Variants in PRR16 observed in about 807,000 individuals in gnomAD.
PRR16 encodes protein Largen.
Under a neutral mutation model 18.2 loss-of-function variants are expected in PRR16, and 6 were observed. The ratio of observed to expected loss-of-function variants is 0.33; its 90% CI spans 0.18 to 0.65. PRR16 has a LOEUF of 0.65. Among genes scored for constraint, PRR16 ranks in the 30% least tolerant of loss-of-function variants. The pLI, the probability that PRR16 is intolerant of heterozygous loss-of-function variation, is 0.74. For synonymous variants in PRR16, 151 were observed against 147.8 expected (o/e 1.02, Z -0.16); for missense variants, 412 against 376.6 (o/e 1.09, Z -0.78).
At chr5:120,500,462 C>T (rs770269968) in intron 1 of PRR16, among the ~76,000 whole-genome samples, 14 of 152,132 alleles carry the variant, frequency 9.2e-5, no homozygotes, top group East Asian at 1.9e-4. Flanking sequence ...ACATTTAGTG[C>T]GTCTGTCTGG....
At chr5:120,753,032 T>C in the PRR16 span, among the ~76,000 whole-genome samples, 1 of 151,918 alleles carries the variant, frequency 6.6e-6, no homozygotes, top group East Asian at 1.9e-4. Flanking sequence ...CACGAATAGA[T>C]GAGGAAACAT....
intron 1 of PRR16, among the ~76,000 whole-genome samples, chr5:120,478,420 A>T (rs894250075): frequency 3.9e-5 from 6 of 151,980 alleles, no homozygotes; most frequent in African/African-American, 1.5e-4. Context: ...ATTCAACTCA[A>T]CCCATGTTCT....
chr5:120,703,050 C>T, the PRR16 span, among the ~76,000 whole-genome samples: 5 of 151,836 alleles, frequency 3.3e-5, no homozygotes, highest in Admixed American at 6.6e-5. Flanking sequence ...GGGCTGAGTC[C>T]GAAAAGAGAG....
chr5:120,648,828 G>A (rs62377788), intron 1 of PRR16, among the ~76,000 whole-genome samples: 39,275 of 151,876 alleles, frequency 0.26, 6,106 homozygotes, highest in Middle Eastern at 0.41. Context: ...TCCCATGGTA[G>A]CTTATTTCAA....
chr5:120,547,678 C>T (rs1041528847), intron 1 of PRR16, among the ~76,000 whole-genome samples: 2 of 151,938 alleles, frequency 1.3e-5, no homozygotes, highest in Non-Finnish European at 2.9e-5. Flanking sequence ...GAATGTCAGT[C>T]ACTGAAGTGA....
At chr5:120,583,505 A>G (rs1753342625) in intron 1 of PRR16, among the ~76,000 whole-genome samples, 1 of 152,130 alleles carries the variant, frequency 6.6e-6, no homozygotes, top group African/African-American at 2.4e-5. Context: ...GGGAGACTTT[A>G]TTTTGTGTCT....
the PRR16 span, among the ~76,000 whole-genome samples, chr5:120,753,862 CTT>C: frequency 1.4e-5 from 1 of 69,302 alleles, no homozygotes; most frequent in Non-Finnish European, 2.6e-5. Context: ...TATATAATAT[CTT>C]ATATATTATA....
At chr5:120,545,092 G>C (rs1474717212) in intron 1 of PRR16, among the ~76,000 whole-genome samples, 2 of 152,086 alleles carry the variant, frequency 1.3e-5, no homozygotes, top group Non-Finnish European at 2.9e-5. Context: ...AGAGGTAGGA[G>C]AGAAGAGACA....
intron 1 of PRR16, among the ~76,000 whole-genome samples, chr5:120,592,659 A>T (rs189646786): frequency 1.3e-5 from 2 of 152,258 alleles, no homozygotes; most frequent in African/African-American, 4.8e-5. Context: ...ACCCATCCCT[A>T]TGAAGACCAC....
intron 1 of PRR16, among the ~76,000 whole-genome samples, chr5:120,498,922 T>C (rs1183322090): frequency 6.6e-6 from 1 of 151,958 alleles, no homozygotes; most frequent in Non-Finnish European, 1.5e-5. Context: ...GTAGATAATA[T>C]GTTATTTTTC....
the PRR16 span, among the ~76,000 whole-genome samples, chr5:120,737,431 C>A: frequency 6.9e-6 from 1 of 145,126 alleles, no homozygotes; most frequent in Admixed American, 7.1e-5. Flanking sequence ...TGGTGCGTTA[C>A]CTTGATTGAT....
chr5:120,659,398 T>C (rs953785183), intron 1 of PRR16, among the ~76,000 whole-genome samples: 1 of 150,602 alleles, frequency 6.6e-6, no homozygotes, highest in South Asian at 2.1e-4. Flanking sequence ...AAATGTAATA[T>C]ATTTTCTCCT....
chr5:120,785,197 T>G, the PRR16 span, among the ~76,000 whole-genome samples: 1 of 152,040 alleles, frequency 6.6e-6, no homozygotes, highest in Non-Finnish European at 1.5e-5. Context: ...TCCATGAGAG[T>G]TTTGACAAGT....
At chr5:120,572,106 A>G (rs772441140) in intron 1 of PRR16, among the ~76,000 whole-genome samples, 7 of 152,166 alleles carry the variant, frequency 4.6e-5, no homozygotes, top group Non-Finnish European at 1.0e-4. Flanking sequence ...AGAAACTGGC[A>G]TATTCTTTGT....
At chr5:120,791,470 C>CTAAG in the PRR16 span, among the ~76,000 whole-genome samples, 1 of 151,656 alleles carries the variant, frequency 6.6e-6, no homozygotes, top group Non-Finnish European at 1.5e-5. Flanking sequence ...AGGATTTTTT[C>CTAAG]TAAGTTTTGT....
chr5:120,530,767 A>G (rs1751525839), intron 1 of PRR16, among the ~76,000 whole-genome samples: 1 of 152,094 alleles, frequency 6.6e-6, no homozygotes, highest in Non-Finnish European at 1.5e-5. Flanking sequence ...GGAGAAAGGT[A>G]AAGGTTATTT....
intron 1 of PRR16, among the ~76,000 whole-genome samples, chr5:120,497,984 C>T (rs149278923): frequency 6.6e-6 from 1 of 151,322 alleles, no homozygotes; most frequent in Non-Finnish European, 1.5e-5. Context: ...TTTACTAACT[C>T]TCTCTTTTAA....
chr5:120,657,818 C>T (rs552761513), intron 1 of PRR16, among the ~76,000 whole-genome samples: 72 of 152,038 alleles, frequency 4.7e-4, no homozygotes, highest in South Asian at 2.3e-3. Flanking sequence ...CACCTATTGC[C>T]TCCCACCTTC....
intron 1 of PRR16, among the ~76,000 whole-genome samples, chr5:120,488,413 T>C (rs1214531867): frequency 6.6e-6 from 1 of 152,242 alleles, no homozygotes; most frequent in Non-Finnish European, 1.5e-5. Flanking sequence ...CTATTTCCTC[T>C]AGATTTTCTA....
Sources: gnomAD v4.1 joint callset for allele counts (sites outside exome capture counted in the v4.1 genomes callset) on GRCh38, gnomAD v4.1.1 for gene constraint, MANE v1.5 for transcripts, NCBI Gene and HGNC (gene_info 2026-07-23, HGNC 2026-07-21) for gene names.